The following MTHFS variants were observed in gnomAD, a reference collection of about 807,000 sequenced individuals.
MTHFS encodes the protein 5-formyltetrahydrofolate cyclo-ligase.
In MTHFS, 7 loss-of-function variants were observed where a neutral mutation model predicts 12.7. The observed-to-expected ratio is 0.55, with a 90% CI of 0.31 to 1.03. MTHFS has a LOEUF of 1.03. Ranked by LOEUF, MTHFS falls within the 50% of genes least tolerant of loss-of-function variation. The probability of loss-of-function intolerance (pLI) is 0.05; values close to 1 mark genes in which losing one functional copy is unlikely to be tolerated. For missense variants in MTHFS, 252 were observed against 258.1 expected, an observed-to-expected ratio of 0.98 and a Z score of 0.16; for synonymous variants, 100 against 97.1, an observed-to-expected ratio of 1.03 and a Z score of -0.18.
chr15:79,883,249 A>G (rs1566996848), intron 2 of MTHFS, among the ~76,000 whole-genome samples: 1 of 152,224 alleles, frequency 6.6e-6, no homozygotes, highest in Non-Finnish European at 1.5e-5. Context: ...TGACTCTAGT[A>G]TACTTTTTAA....
At chr15:79,872,322 C>T (rs1370751272) in intron 2 of MTHFS, among the ~76,000 whole-genome samples, 1 of 152,156 alleles carries the variant, frequency 6.6e-6, no homozygotes, top group South Asian at 2.1e-4. Context: ...CCAGGTAACA[C>T]TGTGGAGCCC....
At chr15:79,866,928 C>T (rs574180064) in intron 2 of MTHFS, among the ~76,000 whole-genome samples, 1 of 151,932 alleles carries the variant, frequency 6.6e-6, no homozygotes, top group Non-Finnish European at 1.5e-5. Context: ...TGCACTCCAG[C>T]CTGGGCATGC....
chr15:79,858,743 A>G (rs566696999), intron 2 of MTHFS, among the ~76,000 whole-genome samples: 1 of 152,352 alleles, frequency 6.6e-6, no homozygotes, highest in East Asian at 1.9e-4. Flanking sequence ...CTAGTCTTGA[A>G]TACTTTGTTT....
intron 2 of MTHFS, among the ~76,000 whole-genome samples, chr15:79,883,741 G>A (rs1273706488): frequency 1.2e-4 from 19 of 152,128 alleles, no homozygotes; most frequent in Admixed American, 1.2e-3. Flanking sequence ...AGTCAGTACT[G>A]TAATTATCTC....
intron 2 of MTHFS, among the ~76,000 whole-genome samples, chr15:79,881,498 T>C (rs1262382210): frequency 6.6e-6 from 1 of 151,974 alleles, no homozygotes; most frequent in East Asian, 1.9e-4. Flanking sequence ...GGTGCACTTC[T>C]CATTCAAATG....
intron 2 of MTHFS, among the ~76,000 whole-genome samples, chr15:79,879,027 C>A (rs1397304905): frequency 6.6e-6 from 1 of 151,164 alleles, no homozygotes; most frequent in Non-Finnish European, 1.5e-5. Context: ...TGTAATCCCT[C>A]CAGAAACTGC....
intron 2 of MTHFS, among the ~76,000 whole-genome samples, chr15:79,883,581 T>C (rs1250617671): frequency 2.6e-5 from 4 of 152,236 alleles, no homozygotes; most frequent in East Asian, 1.9e-4. Context: ...GACTAGTACA[T>C]TGTAGGCAGC....
At chr15:79,847,513 T>C (rs1291276178) in intron 2 of MTHFS, among the ~76,000 whole-genome samples, 1 of 151,710 alleles carries the variant, frequency 6.6e-6, no homozygotes, top group Non-Finnish European at 1.5e-5. Flanking sequence ...TGAAATCCCG[T>C]CTCTACTAAA....
At chr15:79,881,546 T>C (rs1406916109) in intron 2 of MTHFS, among the ~76,000 whole-genome samples, 1 of 151,584 alleles carries the variant, frequency 6.6e-6, no homozygotes, top group Non-Finnish European at 1.5e-5. Flanking sequence ...AGCTGGTTCT[T>C]CCTGTGTATT....
chr15:79,897,144 G>A (rs184127979), upstream of MTHFS: 809 of 623,834 alleles, frequency 1.3e-3, 7 homozygotes, highest in African/African-American at 0.014. Context: ...CGGGCCCGCG[G>A]CGCGCCGCGC....
In MTHFS at chr15:79,845,198, A is replaced by G; in HGVS notation, c.*12T>C. The G allele has an allele frequency of 6.2e-7, 1 of 1,614,010 alleles. No individual in the cohort carries two copies. Among genetic ancestry groups the G allele is most frequent in the Non-Finnish European group, 8.5e-7 (1 of 1,179,886 alleles). On this transcript the variant is annotated 3_prime_UTR_variant, in exon 3 of 3. Transcript: ENST00000258874. ...TATAAAACACTGATTATTTGGCTGT[A>G]GTAATCCAGATTTAAGCTGTTGACG...
At position 79,894,736 on chromosome 15, in the gene MTHFS, C is replaced by A. The variant is rs114625213; in HGVS notation, c.117+2136G>T. Among the ~76,000 whole-genome samples, 1,291 of 152,260 alleles carry A rather than the reference C, an allele frequency of 8.5e-3. 14 individuals are homozygous for A. Among genetic ancestry groups the A allele is most frequent in the African/African-American group, 0.025 (1,058 of 41,562 alleles). On this transcript the variant is annotated intron_variant, in intron 1 of 2. Coordinates refer to ENST00000258874, the MANE Select transcript of MTHFS (RefSeq NM_006441.4). ...ATGCCTAAGGCTAAACACCATTATACCAAGCTCTAAATTTTGGAATCACTG... is the reference window on the plus strand; with the variant it reads ...ATGCCTAAGGCTAAACACCATTATAACAAGCTCTAAATTTTGGAATCACTG...
At chr15:79,848,518 A>C (rs1365501725) in intron 2 of MTHFS, among the ~76,000 whole-genome samples, 1 of 152,232 alleles carries the variant, frequency 6.6e-6, no homozygotes, top group Non-Finnish European at 1.5e-5. Flanking sequence ...ACAATAAAAA[A>C]TTTAAAAAAG....
At chr15:79,873,227 G>A (rs1044706441) in intron 2 of MTHFS, among the ~76,000 whole-genome samples, 9 of 152,084 alleles carry the variant, frequency 5.9e-5, no homozygotes, top group Admixed American at 1.3e-4. Flanking sequence ...ACAGCCAAAG[G>A]GACCTGGGTC....
intron 2 of MTHFS, among the ~76,000 whole-genome samples, chr15:79,862,394 A>G (rs2033932276): frequency 6.6e-6 from 1 of 152,182 alleles, no homozygotes; most frequent in African/African-American, 2.4e-5. Flanking sequence ...ACGGTTTATC[A>G]CTAACTGAAC....
intron 2 of MTHFS, among the ~76,000 whole-genome samples, chr15:79,879,321 C>CTTTTTTT (rs565488885): frequency 5.8e-4 from 46 of 79,338 alleles, no homozygotes; most frequent in African/African-American, 8.0e-4. Context: ...AATTATTACC[C>CTTTTTTT]TTTTTTTTTT....
At chr15:79,873,548 C>T (rs1306296724) in intron 2 of MTHFS, among the ~76,000 whole-genome samples, 1 of 151,612 alleles carries the variant, frequency 6.6e-6, no homozygotes, top group East Asian at 1.9e-4. Flanking sequence ...CAGTGAAAAT[C>T]CTCTCTGAAA....
At chr15:79,896,255 C>G (rs2034565310) in intron 1 of MTHFS, among the ~76,000 whole-genome samples, 1 of 152,236 alleles carries the variant, frequency 6.6e-6, no homozygotes, top group Non-Finnish European at 1.5e-5. Context: ...AACTCTGAGA[C>G]AGGAAAAGCC....
At chr15:79,858,011 A>C (rs1267939676) in intron 2 of MTHFS, among the ~76,000 whole-genome samples, 1 of 122,636 alleles carries the variant, frequency 8.2e-6, no homozygotes, top group Non-Finnish European at 1.7e-5. Context: ...GCGAGACTCC[A>C]TCTCAAAAAA....
Sources: gnomAD v4.1 joint callset for allele counts (sites outside exome capture counted in the v4.1 genomes callset) on GRCh38, gnomAD v4.1.1 for gene constraint, MANE v1.5 for transcripts, NCBI Gene and HGNC (gene_info 2026-07-23, HGNC 2026-07-21) for gene names.